Variants in ADAMTSL1 observed in about 807,000 individuals in gnomAD.
The protein encoded by ADAMTSL1 is ADAMTS like 1.
In ADAMTSL1, 126 loss-of-function variants were observed where a neutral mutation model predicts 201.8. The observed-to-expected ratio is 0.62, with a 90% CI of 0.54 to 0.72. The LOEUF is 0.72. Among genes scored for constraint, ADAMTSL1 ranks in the 30% least tolerant of loss-of-function variants. The pLI, the probability that ADAMTSL1 is intolerant of heterozygous loss-of-function variation, is 0.00. For synonymous variants in ADAMTSL1, 1,121 were observed against 903.4 expected (o/e 1.24, Z -4.32); for missense variants, 2,679 against 2,277.8 (o/e 1.18, Z -3.59).
chr9:18,075,687 G>A (rs1250536347), intron 1 of ADAMTSL1, among the ~76,000 whole-genome samples: 2 of 152,192 alleles, frequency 1.3e-5, no homozygotes, highest in African/African-American at 2.4e-5. Context: ...AATGGATTAG[G>A]GAAAGAAAGT....
intron 5 of ADAMTSL1, among the ~76,000 whole-genome samples, chr9:18,623,629 G>C (rs1008586200): frequency 6.6e-6 from 1 of 152,144 alleles, no homozygotes; most frequent in Non-Finnish European, 1.5e-5. Context: ...CAAAAATTGA[G>C]TCATTAATCT....
intron 1 of ADAMTSL1, among the ~76,000 whole-genome samples, chr9:18,105,882 A>G (rs1587063756): frequency 6.6e-6 from 1 of 152,236 alleles, no homozygotes; most frequent in Non-Finnish European, 1.5e-5. Context: ...GCACCATGTC[A>G]GGGTTCTAAA....
chr9:18,876,885 A>C (rs759113236), intron 23 of ADAMTSL1, among the ~76,000 whole-genome samples: 1 of 152,242 alleles, frequency 6.6e-6, no homozygotes, highest in Non-Finnish European at 1.5e-5. Context: ...GGGAACATCA[A>C]TTATTCTTAG....
chr9:18,522,529 G>A (rs1818760847), intron 2 of ADAMTSL1, among the ~76,000 whole-genome samples: 2 of 152,026 alleles, frequency 1.3e-5, no homozygotes, highest in East Asian at 1.9e-4. Flanking sequence ...CCATGTTGGT[G>A]TGCTGCACCC....
intron 1 of ADAMTSL1, among the ~76,000 whole-genome samples, chr9:18,032,397 A>G (rs1208567163): frequency 6.6e-6 from 1 of 152,160 alleles, no homozygotes; most frequent in East Asian, 1.9e-4. Context: ...GGCTGTGCTG[A>G]GGAGTCCGAA....
intron 4 of ADAMTSL1, among the ~76,000 whole-genome samples, chr9:18,587,165 C>G (rs139990891): frequency 1.3e-5 from 2 of 152,012 alleles, no homozygotes; most frequent in Admixed American, 6.5e-5. Flanking sequence ...AACAGATAAC[C>G]CTACAGAATG....
chr9:18,145,976 T>C (rs1025650314), intron 1 of ADAMTSL1, among the ~76,000 whole-genome samples: 1 of 152,130 alleles, frequency 6.6e-6, no homozygotes, highest in African/African-American at 2.4e-5. Context: ...AATAACCATA[T>C]GAACAGATGT....
At chr9:18,289,124 T>C (rs1202237955) in intron 2 of ADAMTSL1, among the ~76,000 whole-genome samples, 1 of 149,224 alleles carries the variant, frequency 6.7e-6, no homozygotes. Context: ...TATTGGTGTA[T>C]ATATATGTCT....
intron 2 of ADAMTSL1, among the ~76,000 whole-genome samples, chr9:18,243,681 A>T (rs573488554): frequency 6.6e-6 from 1 of 152,074 alleles, no homozygotes; most frequent in South Asian, 2.1e-4. Context: ...ATAAACTCAC[A>T]TCTTCAACTA....
intron 1 of ADAMTSL1, among the ~76,000 whole-genome samples, chr9:18,115,431 G>C (rs1825210225): frequency 6.6e-6 from 1 of 151,938 alleles, no homozygotes; most frequent in South Asian, 2.1e-4. Context: ...ACAATTATGG[G>C]AATAAAACTC....
intron 7 of ADAMTSL1, among the ~76,000 whole-genome samples, chr9:18,654,229 A>G (rs1828480905): frequency 6.6e-6 from 1 of 152,242 alleles, no homozygotes; most frequent in Non-Finnish European, 1.5e-5. Context: ...ACTCCATCTC[A>G]AAACAAAGTG....
chr9:18,777,802 G>C lies in ADAMTSL1; in HGVS notation c.3573G>C (p.Leu1191=). ...CCCACCTGGGGCAGACGGTGGCCCT[G>C]GCCAGCGGGACACTGAGTGTTCTTC... The part of the protein sequence containing the change: ...VVTHLGQTVA[L]ASGTLSVLLH... The change falls in exon 19 of 29, where the codon CTG becomes CTC. Residue 1191 remains leucine (L), a synonymous_variant. Transcript: ENST00000380548. 6.2e-7 allele frequency: 1 copy of C among 1,613,778 alleles called. No homozygotes were observed. The highest frequency in any genetic ancestry group is 1.3e-5 in the African/African-American group (1 of 75,068).
chr9:18,214,988 T>C (rs1002066997), intron 2 of ADAMTSL1, among the ~76,000 whole-genome samples: 1 of 152,146 alleles, frequency 6.6e-6, no homozygotes, highest in Admixed American at 6.5e-5. Context: ...CTGTGTTTGG[T>C]TTTCTTTATA....
At chr9:17,994,579 A>G (rs953091359) in intron 1 of ADAMTSL1, among the ~76,000 whole-genome samples, 1 of 152,218 alleles carries the variant, frequency 6.6e-6, no homozygotes, top group South Asian at 2.1e-4. Context: ...ACATAACAGA[A>G]TTCACAAATA....
chr9:18,841,751 C>T (rs1825730274), intron 23 of ADAMTSL1, among the ~76,000 whole-genome samples: 1 of 152,104 alleles, frequency 6.6e-6, no homozygotes, highest in Admixed American at 6.5e-5. Context: ...CAACTTCTTC[C>T]TGGTTTAGTC....
At chr9:18,715,690 C>T (rs1044889010) in intron 14 of ADAMTSL1, among the ~76,000 whole-genome samples, 6 of 151,932 alleles carry the variant, frequency 3.9e-5, no homozygotes, top group African/African-American at 1.5e-4. Context: ...CAATGCCATC[C>T]CCATCAAGCT....
At chr9:18,789,272 C>T (rs528935946) in intron 19 of ADAMTSL1, among the ~76,000 whole-genome samples, 1 of 152,272 alleles carries the variant, frequency 6.6e-6, no homozygotes, top group African/African-American at 2.4e-5. Context: ...TTTCTGTGTC[C>T]TTTAAATACA....
intron 1 of ADAMTSL1, among the ~76,000 whole-genome samples, chr9:18,130,020 C>A (rs1227726351): frequency 6.6e-6 from 1 of 152,176 alleles, no homozygotes; most frequent in East Asian, 1.9e-4. Flanking sequence ...GCAGCATGTT[C>A]CTGAGCTCAA....
intron 2 of ADAMTSL1, among the ~76,000 whole-genome samples, chr9:18,325,710 G>C (rs1834803076): frequency 6.6e-6 from 1 of 151,998 alleles, no homozygotes; most frequent in African/African-American, 2.4e-5. Flanking sequence ...AAGCTAGCTA[G>C]GTGTTGCCTG....
Sources: allele counts gnomAD v4.1 joint callset (sites outside exome capture counted in the v4.1 genomes callset), GRCh38; gene constraint gnomAD v4.1.1; transcripts MANE v1.5; gene names NCBI Gene and HGNC (gene_info 2026-07-23, HGNC 2026-07-21).